Variants in BRSK1 observed in about 807,000 individuals in gnomAD.
The protein encoded by BRSK1 is serine/threonine-protein kinase BRSK1.
Under a neutral mutation model 86.2 loss-of-function variants are expected in BRSK1, and 17 were observed. That is an observed-to-expected ratio of 0.20 (90% CI 0.14 to 0.30). The LOEUF is 0.30. Ranked by LOEUF, BRSK1 falls within the 10% of genes least tolerant of loss-of-function variation. The pLI is 1.00. For synonymous variants in BRSK1, 464 were observed against 440.1 expected, an observed-to-expected ratio of 1.05 and a Z score of -0.68; for missense variants, 719 against 1,071.9, an observed-to-expected ratio of 0.67 and a Z score of 4.60.
In BRSK1 at chr19:55,303,449, A is replaced by G; in HGVS notation, c.1126+41A>G. ...TAGGGGACCAGACACCTGGGTCTCG[A>G]GATTGGAAGAGGCTGGCCACGGGGA... On this transcript the variant is annotated intron_variant, in intron 11 of 18. Transcript: ENST00000309383. This position sits in a 1 kb window ranked among gnomAD's most constrained non-coding sequence, Gnocchi z 5.1. 6.3e-7 allele frequency: 1 copy of G among 1,592,874 alleles called. No homozygotes were observed. The highest frequency in any genetic ancestry group is 8.6e-7 in the Non-Finnish European group (1 of 1,161,092).
chr19:55,291,984 T>G (rs542456058), intron 4 of BRSK1, among the ~76,000 whole-genome samples: 1 of 152,254 alleles, frequency 6.6e-6, no homozygotes, highest in African/African-American at 2.4e-5. Context: ...GGTCTCGAAC[T>G]CCTGACCTCA....
chr19:55,285,071 G>A (rs979062850), intron 1 of BRSK1, among the ~76,000 whole-genome samples: 1 of 139,914 alleles, frequency 7.1e-6, no homozygotes, highest in South Asian at 2.5e-4. Context: ...GGGAGGAGGG[G>A]ACTGGGGTCC....
rs1291064459 is a variant in BRSK1 at position 55,287,633 on chromosome 19, C to G, written c.317+334C>G. Reference sequence around the variant, plus strand: ...AGACCCAATCTGCTATGGGCAGATGCCTCCTGTTTGTAAGGCAAGGGGCCT... The same window carrying G: ...AGACCCAATCTGCTATGGGCAGATGGCTCCTGTTTGTAAGGCAAGGGGCCT... On this transcript the variant is annotated intron_variant, in intron 3 of 18. Coordinates refer to ENST00000309383, the MANE Select transcript of BRSK1 (RefSeq NM_032430.2). This position sits in a 1 kb window ranked among gnomAD's most constrained non-coding sequence, Gnocchi z 5.3. Among the ~76,000 whole-genome samples, 1 of 152,260 alleles carries G rather than the reference C, an allele frequency of 6.6e-6. No individual in the cohort carries two copies. Among genetic ancestry groups the G allele is most frequent in the African/African-American group, 2.4e-5 (1 of 41,466 alleles).
intron 18 of BRSK1, among the ~76,000 whole-genome samples, chr19:55,309,876 T>C (rs2088743500): frequency 6.6e-6 from 1 of 152,172 alleles, no homozygotes; most frequent in Non-Finnish European, 1.5e-5. Context: ...AACAGGGTAC[T>C]GGGCCCCATT....
At position 55,306,995 on chromosome 19, in the gene BRSK1, C is replaced by G. The variant is rs920398011; in HGVS notation, c.2089+545C>G. On this transcript the variant is annotated intron_variant, in intron 17 of 18. Transcript: ENST00000309383. The surrounding 1 kb of genome is among the most constrained non-coding windows in gnomAD (Gnocchi z 4.7). ...AGTGGCAGCCTCAGGAACTTGAACT[C>G]CAGGCAGCCATGACCAGTCGAGGCT... 9.9e-5 allele frequency among the ~76,000 whole-genome samples: 15 copies of G among 152,214 alleles called. No individual in the cohort carries two copies. Among genetic ancestry groups the G allele is most frequent in the African/African-American group, 3.6e-4 (15 of 41,456 alleles).
At chr19:55,291,819 C>T (rs557764948) in intron 4 of BRSK1, among the ~76,000 whole-genome samples, 5 of 152,318 alleles carry the variant, frequency 3.3e-5, no homozygotes, top group African/African-American at 1.2e-4. Flanking sequence ...AGTGCAATGG[C>T]ACGATCTCAG....
Position 55,284,113 on chromosome 19 carries a change from C to A in BRSK1, c.-330C>A, listed in dbSNP as rs1023154601. The A allele has an allele frequency of 8.4e-7, 1 of 1,197,356 alleles. No individual in the cohort carries two copies. Among genetic ancestry groups the A allele is most frequent in the Non-Finnish European group, 1.0e-6 (1 of 957,288 alleles). The allele number at this position is 1,197,356 out of a possible 1,614,324, so 74.2% of individuals were successfully genotyped here. On this transcript the variant is annotated 5_prime_UTR_variant, in exon 1 of 19. Transcript: ENST00000309383. ...GGGCGGGGGGGACCTCGGCCTGCAG[C>A]ATCCGCCGGCCCGCACCTCAGACCC...
At position 55,303,286 on chromosome 19, in the gene BRSK1, C is replaced by G; in HGVS notation, c.1029-25C>G. 2 of 1,586,952 alleles carry G rather than the reference C, an allele frequency of 1.3e-6. No homozygotes were observed. The highest frequency in any genetic ancestry group is 1.7e-6 in the Non-Finnish European group (2 of 1,155,706). ...GACCTCAGCCCTCTGCTACCTCTTT[C>G]CACCTTTCCCACCCCCTGCCTTAGG... On this transcript the variant is annotated intron_variant, in intron 10 of 18. Coordinates refer to ENST00000309383, the MANE Select transcript of BRSK1 (RefSeq NM_032430.2). The surrounding 1 kb of genome is among the most constrained non-coding windows in gnomAD (Gnocchi z 5.1).
At chr19:55,309,553 G>A (rs2088734225) in intron 18 of BRSK1, among the ~76,000 whole-genome samples, 1 of 152,220 alleles carries the variant, frequency 6.6e-6, no homozygotes, top group African/African-American at 2.4e-5. Context: ...GTCACAGACA[G>A]CACGTTGGTG....
At position 55,304,831 on chromosome 19, in the gene BRSK1, G is replaced by T; in HGVS notation, c.1628G>T (p.Gly543Val). 6.3e-7 allele frequency: 1 copy of T among 1,597,090 alleles called. No individual in the cohort carries two copies. Residue 543 changes from glycine (G) to valine (V), a missense_variant, in exon 14 of 19, where the codon GGC (glycine) becomes GTC (valine). Around this residue, in one of 6 missense-constraint regions of BRSK1, gnomAD observed 180 missense variants for 259.4 expected, o/e 0.69. Transcript: ENST00000309383. The surrounding 1 kb of genome is among the most constrained non-coding windows in gnomAD (Gnocchi z 5.2). ...ACACCACCCCCCAGCCCCGGCGGTGGCGTCGGGGGAGCCGCCTGGAGGAGT... is the reference window on the plus strand; with the variant it reads ...ACACCACCCCCCAGCCCCGGCGGTGTCGTCGGGGGAGCCGCCTGGAGGAGT... ...GTTPPPSPGG[G>V]VGGAAWRSRL... is the part of the protein sequence containing the mutation.
At position 55,287,568 on chromosome 19, in the gene BRSK1, A is replaced by C. The variant is rs560750426; in HGVS notation, c.317+269A>C. On this transcript the variant is annotated intron_variant, in intron 3 of 18. Coordinates refer to ENST00000309383, the MANE Select transcript of BRSK1 (RefSeq NM_032430.2). The surrounding 1 kb of genome is among the most constrained non-coding windows in gnomAD (Gnocchi z 5.3). ...CCAGCTCCTCGCCCTGTGGCACTGC[A>C]TGGAATGCGCTCTGCTAGACAAGCA... Among the ~76,000 whole-genome samples the C allele has an allele frequency of 6.6e-6, 1 of 152,200 alleles. No individual in the cohort carries two copies. Among genetic ancestry groups the C allele is most frequent in the Non-Finnish European group, 1.5e-5 (1 of 68,018 alleles).
chr19:55,295,234 C>T (rs1192324978), intron 7 of BRSK1, among the ~76,000 whole-genome samples: 2 of 152,070 alleles, frequency 1.3e-5, no homozygotes, highest in South Asian at 2.1e-4. Flanking sequence ...GCAGTCCTCC[C>T]GCCTCAGCCT....
At chr19:55,285,955 A>T (rs2088303613) in intron 1 of BRSK1, among the ~76,000 whole-genome samples, 1 of 148,190 alleles carries the variant, frequency 6.7e-6, no homozygotes, top group African/African-American at 2.5e-5. Flanking sequence ...ACTGGGTCTG[A>T]GGGAGGAGGG....
At position 55,304,533 on chromosome 19, in the gene BRSK1, G is replaced by C. The variant is rs1042109284; in HGVS notation, c.1348-18G>C. On this transcript the variant is annotated intron_variant, in intron 13 of 18. Coordinates refer to ENST00000309383, the MANE Select transcript of BRSK1 (RefSeq NM_032430.2). This position sits in a 1 kb window ranked among gnomAD's most constrained non-coding sequence, Gnocchi z 5.2. Reference sequence around the variant, plus strand: ...AGTTGTAGTCCACTCGCTTATCTCAGTCTCCTGTCCTCTGCAGAGTCCGGT... The same window carrying C: ...AGTTGTAGTCCACTCGCTTATCTCACTCTCCTGTCCTCTGCAGAGTCCGGT... The C allele has an allele frequency of 2.6e-6, 4 of 1,541,854 alleles. No homozygotes were observed. The highest frequency in any genetic ancestry group is 4.4e-5 in the Admixed American group (2 of 45,674).
rs2088771240 is a variant in BRSK1 at position 55,310,804 on chromosome 19, G to C, written c.2180-1107G>C. On this transcript the variant is annotated intron_variant, in intron 18 of 18. Transcript: ENST00000309383. The surrounding 1 kb of genome is among the most constrained non-coding windows in gnomAD (Gnocchi z 5.0). ...CCACTGGACCCCGTTGCCGAGGAAAGCTGGCCTCAGCAACCAGGGGTCTCA... is the reference window on the plus strand; with the variant it reads ...CCACTGGACCCCGTTGCCGAGGAAACCTGGCCTCAGCAACCAGGGGTCTCA... Among the ~76,000 whole-genome samples the C allele has an allele frequency of 6.6e-6, 1 of 152,152 alleles. No individual in the cohort carries two copies. Among genetic ancestry groups the C allele is most frequent in the Admixed American group, 6.5e-5 (1 of 15,272 alleles).
intron 7 of BRSK1, among the ~76,000 whole-genome samples, chr19:55,299,321 ACT>A (rs1358850055): frequency 1.3e-5 from 2 of 151,374 alleles, no homozygotes; most frequent in African/African-American, 4.9e-5. Context: ...ATAGAACAGA[ACT>A]CTCAAGAATA....
chr19:55,305,577 C>G lies in BRSK1; in HGVS notation c.1881C>G (p.Ala627=). 6.2e-7 allele frequency: 1 copy of G among 1,614,162 alleles called. No homozygotes were observed. Among genetic ancestry groups the G allele is most frequent in the Non-Finnish European group, 8.5e-7 (1 of 1,180,036 alleles). Residue 627 remains alanine (A), a synonymous_variant, in exon 16 of 19, where the codon GCC becomes GCG. Transcript: ENST00000309383. ...LSSIKADIVH[A]FLSIPSLSHS... ...GCATCAAAGCAGACATCGTCCATGC[C>G]TTTCTGTCGGTGAGGGGCCTGGGTC... is the stretch of plus-strand genomic sequence containing the variant.
intron 1 of BRSK1, among the ~76,000 whole-genome samples, chr19:55,284,815 G>GA (rs2088284263): frequency 6.7e-6 from 1 of 150,062 alleles, no homozygotes; most frequent in African/African-American, 2.4e-5. Flanking sequence ...GGGAGGAGGG[G>GA]CTGGGCACTG....
chr19:55,303,416 G>C lies in BRSK1; in HGVS notation c.1126+8G>C. ...CTCCCCGGAATGATGTTGGTGAGAA[G>C]GCAGGGCTAGGGGACCAGACACCTG... On this transcript the variant is annotated splice_region_variant and intron_variant, in intron 11 of 18. Coordinates refer to ENST00000309383, the MANE Select transcript of BRSK1 (RefSeq NM_032430.2). This position sits in a 1 kb window ranked among gnomAD's most constrained non-coding sequence, Gnocchi z 5.1. 6.2e-7 allele frequency: 1 copy of C among 1,612,486 alleles called. No individual in the cohort carries two copies. The highest frequency in any genetic ancestry group is 8.5e-7 in the Non-Finnish European group (1 of 1,178,618).
Sources: allele counts gnomAD v4.1 joint callset (sites outside exome capture counted in the v4.1 genomes callset), GRCh38; gene constraint gnomAD v4.1.1; regional missense constraint gnomAD v4.1.1; non-coding constraint Gnocchi (gnomAD v3.1); transcripts MANE v1.5; gene names NCBI Gene and HGNC (gene_info 2026-07-23, HGNC 2026-07-21).